Variants in MYO3B observed in about 807,000 individuals in gnomAD.
MYO3B encodes the protein myosin-IIIb.
Under a neutral mutation model 174.6 loss-of-function variants are expected in MYO3B, and 156 were observed. The observed-to-expected ratio is 0.89, with a 90% CI of 0.78 to 1.02. The LOEUF is 1.02. Ranked by LOEUF, MYO3B falls within the 50% of genes least tolerant of loss-of-function variation. MYO3B has a pLI of 0.00. For synonymous variants in MYO3B, 563 were observed against 569.1 expected, an observed-to-expected ratio of 0.99 and a Z score of 0.15; for missense variants, 1,632 against 1,639.4, an observed-to-expected ratio of 1.00 and a Z score of 0.08.
At chr2:170,261,854 A>G (rs2093348158) in intron 7 of MYO3B, among the ~76,000 whole-genome samples, 1 of 152,212 alleles carries the variant, frequency 6.6e-6, no homozygotes, top group Non-Finnish European at 1.5e-5. Flanking sequence ...AAATATATAA[A>G]TGTTCAGGAA....
chr2:170,480,101 G>C (rs576927252), intron 25 of MYO3B, among the ~76,000 whole-genome samples: 3 of 151,690 alleles, frequency 2.0e-5, no homozygotes, highest in East Asian at 1.9e-4. Context: ...TATAGACAGA[G>C]AGGTTTTCAG....
intron 32 of MYO3B, among the ~76,000 whole-genome samples, chr2:170,566,893 G>C (rs1030143318): frequency 6.6e-5 from 10 of 152,138 alleles, no homozygotes; most frequent in African/African-American, 2.4e-4. Flanking sequence ...ATTGAGTCCA[G>C]GTTTGAAAGC....
intron 25 of MYO3B, 41 bp downstream of exon 25, chr2:170,466,752 G>A: frequency 1.3e-6 from 2 of 1,594,358 alleles, no homozygotes; most frequent in South Asian, 1.1e-5. Flanking sequence ...TATAAATGTA[G>A]CTCTACTCTG....
At chr2:170,403,742 C>T (rs1255045474) in intron 19 of MYO3B, among the ~76,000 whole-genome samples, 1 of 152,198 alleles carries the variant, frequency 6.6e-6, no homozygotes, top group African/African-American at 2.4e-5. Context: ...AGTGAAAATA[C>T]CAGCATTGCT....
At chr2:170,576,247 A>G (rs1692774101) in intron 32 of MYO3B, among the ~76,000 whole-genome samples, 1 of 152,204 alleles carries the variant, frequency 6.6e-6, no homozygotes, top group Admixed American at 6.5e-5. Context: ...TTAGACTTGG[A>G]TGAGGGGCCT....
chr2:170,642,874 G>C (rs937798789), intron 32 of MYO3B, among the ~76,000 whole-genome samples: 1 of 152,148 alleles, frequency 6.6e-6, no homozygotes, highest in African/African-American at 2.4e-5. Context: ...AGGCATATTA[G>C]GGACAAGGGG....
At chr2:170,646,874 G>T in intron 32 of MYO3B, 1 of 1,316,860 alleles carries the variant, frequency 7.6e-7, no homozygotes, top group Non-Finnish European at 1.0e-6. Context: ...TCAGTATCTC[G>T]TTTTCTAACT....
At chr2:170,502,595 C>A (rs1687345923) in intron 28 of MYO3B, among the ~76,000 whole-genome samples, 1 of 20,490 alleles carries the variant, frequency 4.9e-5, no homozygotes, top group Non-Finnish European at 2.2e-3. Flanking sequence ...TGGCAGTGTC[C>A]ACTGTGGGTG....
At chr2:170,340,124 A>G (rs867286127) in intron 8 of MYO3B, 1 of 152,172 alleles carries the variant, frequency 6.6e-6, no homozygotes, top group Non-Finnish European at 1.5e-5. Context: ...TTTTAAGTTC[A>G]AGCTAATTTC....
At chr2:170,272,699 A>G (rs1221675855) in intron 7 of MYO3B, among the ~76,000 whole-genome samples, 1 of 152,180 alleles carries the variant, frequency 6.6e-6, no homozygotes, top group African/African-American at 2.4e-5. Context: ...TGACTGGACC[A>G]TGAGGGTGGA....
chr2:170,427,046 T>C (rs1210504754), intron 22 of MYO3B, among the ~76,000 whole-genome samples: 1 of 152,036 alleles, frequency 6.6e-6, no homozygotes, highest in African/African-American at 2.4e-5. Context: ...AATAGATACT[T>C]AGTACCTGGC....
intron 32 of MYO3B, among the ~76,000 whole-genome samples, chr2:170,545,521 T>C (rs568999533): frequency 6.6e-6 from 1 of 152,372 alleles, no homozygotes; most frequent in South Asian, 2.1e-4. Context: ...GTTCTTTTTG[T>C]AAGGCATTAA....
intron 16 of MYO3B, among the ~76,000 whole-genome samples, chr2:170,397,373 T>A (rs2094447520): frequency 6.6e-6 from 1 of 152,208 alleles, no homozygotes; most frequent in African/African-American, 2.4e-5. Flanking sequence ...TTCCTATTCC[T>A]TTGCTGCTGT....
At chr2:170,634,535 A>G (rs530689838) in intron 32 of MYO3B, among the ~76,000 whole-genome samples, 2 of 152,334 alleles carry the variant, frequency 1.3e-5, no homozygotes, top group East Asian at 3.9e-4. Flanking sequence ...AACCTAGGCA[A>G]TACCATTCAG....
At chr2:170,468,855 T>C (rs1559031780) in intron 25 of MYO3B, among the ~76,000 whole-genome samples, 3 of 152,142 alleles carry the variant, frequency 2.0e-5, no homozygotes, top group African/African-American at 7.2e-5. Context: ...TTCTGGCAAA[T>C]GTCTAAAACA....
chr2:170,290,603 A>G (rs1043614388), intron 7 of MYO3B, among the ~76,000 whole-genome samples: 3 of 152,182 alleles, frequency 2.0e-5, no homozygotes, highest in African/African-American at 7.2e-5. Flanking sequence ...TCAAGGCAGC[A>G]TATAATTGGA....
At position 170,430,950 on chromosome 2, in the gene MYO3B, G is replaced by A. The variant is rs370074844; in HGVS notation, c.2651-13017G>A. ...AGAAGTGGAAATAGAGAGGTGAAAA[G>A]GGATGTGGGGAATTTGAATACATCC... On this transcript the variant is annotated intron_variant, in intron 22 of 34. Coordinates refer to ENST00000408978, the MANE Select transcript of MYO3B (RefSeq NM_138995.5). 7.8e-4 allele frequency among the ~76,000 whole-genome samples: 118 copies of A among 152,254 alleles called. 1 individual carries two copies. The South Asian group carries it at 0.023, about 30-fold the overall frequency.
chr2:170,400,573 T>C (rs1185288114), intron 17 of MYO3B, among the ~76,000 whole-genome samples: 1 of 151,850 alleles, frequency 6.6e-6, no homozygotes, highest in Non-Finnish European at 1.5e-5. Flanking sequence ...CCTGGCTAAT[T>C]TTTGTATTTT....
At chr2:170,341,410 A>G (rs1213385963) in intron 8 of MYO3B, 2 of 152,232 alleles carry the variant, frequency 1.3e-5, no homozygotes, top group African/African-American at 2.4e-5. Flanking sequence ...TCAGGAGGCC[A>G]TGCAAAGGGT....
Sources: allele counts gnomAD v4.1 joint callset (sites outside exome capture counted in the v4.1 genomes callset), GRCh38; gene constraint gnomAD v4.1.1; transcripts MANE v1.5; gene names NCBI Gene and HGNC (gene_info 2026-07-23, HGNC 2026-07-21).